The following DAPK2 variants were observed in gnomAD, a reference collection of about 807,000 sequenced individuals.
DAPK2 encodes the protein death associated protein kinase 2.
DAPK2 carries 35 observed loss-of-function variants against 44.1 expected under a neutral mutation model. The observed-to-expected ratio is 0.79, with a 90% CI of 0.61 to 1.05. The LOEUF is 1.05. Ranked by LOEUF, DAPK2 falls within the 50% of genes least tolerant of loss-of-function variation. The pLI, the probability that DAPK2 is intolerant of heterozygous loss-of-function variation, is 0.00. For missense variants in DAPK2, 453 were observed against 483.2 expected (o/e 0.94, Z 0.59); for synonymous variants, 174 against 182.6 (o/e 0.95, Z 0.38).
intron 1 of DAPK2, among the ~76,000 whole-genome samples, chr15:64,006,739 C>G (rs1031739969): frequency 1.3e-5 from 2 of 152,214 alleles, no homozygotes; most frequent in East Asian, 3.8e-4. Flanking sequence ...CCAGACAGGT[C>G]TCCTGTCAGG....
At chr15:63,928,802 A>C (rs965426190) in intron 6 of DAPK2, among the ~76,000 whole-genome samples, 1 of 152,132 alleles carries the variant, frequency 6.6e-6, no homozygotes, top group Admixed American at 6.5e-5. Context: ...AGGAGAAAGG[A>C]GGAGAGAGAC....
At chr15:64,014,811 T>A (rs1332761296) in intron 1 of DAPK2, among the ~76,000 whole-genome samples, 2 of 151,818 alleles carry the variant, frequency 1.3e-5, no homozygotes, top group Non-Finnish European at 2.9e-5. Flanking sequence ...TCCCAGCTAT[T>A]TGGGAGGCTG....
chr15:63,963,684 A>ATTACTTTTT (rs2077975309), intron 3 of DAPK2, among the ~76,000 whole-genome samples: 1 of 151,818 alleles, frequency 6.6e-6, no homozygotes, highest in Non-Finnish European at 1.5e-5. Flanking sequence ...GGTAAGTTTT[A>ATTACTTTTT]ATTTCTTGCT....
chr15:63,938,051 C>G (rs1172445729), intron 4 of DAPK2, among the ~76,000 whole-genome samples: 2 of 152,164 alleles, frequency 1.3e-5, no homozygotes, highest in African/African-American at 4.8e-5. Flanking sequence ...AATCCCCCAG[C>G]CTGCCATCTC....
At chr15:63,961,297 A>G (rs1323359788) in intron 3 of DAPK2, among the ~76,000 whole-genome samples, 2 of 152,114 alleles carry the variant, frequency 1.3e-5, no homozygotes, top group South Asian at 2.1e-4. Context: ...ACTCTATCCA[A>G]TTTGCCAGTC....
Position 63,908,491 on chromosome 15 carries a change from TC to T in DAPK2, c.*28del. The stretch of plus-strand genomic sequence containing the variant: ...AAGGGAGCCCCGCTGGGCCCAGACC[TC>T]CCTGGCGGCCACTGCAGGTCAGGCC... On this transcript the variant is annotated 3_prime_UTR_variant, in exon 11 of 11. Coordinates refer to ENST00000261891, the Ensembl canonical transcript of DAPK2. This position sits in a 1 kb window ranked among gnomAD's most constrained non-coding sequence, Gnocchi z 5.7. The T allele has an allele frequency of 6.6e-7, 1 of 1,519,142 alleles. No individual in the cohort carries two copies. 94.1% of individuals were successfully genotyped at this position (1,519,142 alleles called of 1,614,324 possible).
chr15:64,025,375 T>G (rs1035566976), intron 1 of DAPK2, among the ~76,000 whole-genome samples: 1 of 152,142 alleles, frequency 6.6e-6, no homozygotes, highest in Admixed American at 6.5e-5. Flanking sequence ...AGAGCGCCCT[T>G]CCCTTCTTCC....
chr15:63,922,231 G>T, intron 8 of DAPK2: 1 of 966,486 alleles, frequency 1.0e-6, no homozygotes, highest in South Asian at 4.8e-5. Flanking sequence ...TGAGTGCTTG[G>T]TAAGTGAAAA....
Position 63,912,068 on chromosome 15 carries a change from G to GCCCCCCCCCCGTCCCCCCCCC in DAPK2, c.948+39_948+40insGGGGGGGGGACGGGGGGGGGG. 1 of 1,312,412 alleles carries GCCCCCCCCCCGTCCCCCCCCC rather than the reference G, an allele frequency of 7.6e-7. No individual in the cohort carries two copies. The highest frequency in any genetic ancestry group is 1.1e-6 in the Non-Finnish European group (1 of 924,246). The allele number at this position is 1,312,412 out of a possible 1,614,324, so 81.3% of individuals were successfully genotyped here. A position where few individuals can be genotyped will look rare whatever the true frequency, so the allele number is the denominator to read the frequency against. ...CTGGAGAGCCAGAAACCCCGCCCTA[G>GCCCCCCCCCCGTCCCCCCCCC]CCCCCACCCTGTCCCCCGCCGCCCC... On this transcript the variant is annotated intron_variant, in intron 9 of 10. Coordinates refer to ENST00000261891, the Ensembl canonical transcript of DAPK2. The surrounding 1 kb of genome is among the most constrained non-coding windows in gnomAD (Gnocchi z 4.4).
At chr15:64,039,160 G>A (rs1357194360) in intron 1 of DAPK2, among the ~76,000 whole-genome samples, 5 of 152,274 alleles carry the variant, frequency 3.3e-5, no homozygotes, top group African/African-American at 4.8e-5. Context: ...ATGGGCATGC[G>A]TCCTCAATCT....
intron 7 of DAPK2, among the ~76,000 whole-genome samples, chr15:63,925,421 G>A (rs530362208): frequency 8.2e-4 from 125 of 152,040 alleles, no homozygotes; most frequent in African/African-American, 2.9e-3. Context: ...GGTACCCAGC[G>A]CCCTGCAATT....
intron 2 of DAPK2, among the ~76,000 whole-genome samples, chr15:63,979,586 C>T (rs1367565498): frequency 2.6e-5 from 4 of 152,176 alleles, no homozygotes; most frequent in Admixed American, 6.5e-5. Flanking sequence ...AGACTTCTGA[C>T]CAGCCTAACA....
chr15:63,909,322 C>T (rs2078722662), intron 10 of DAPK2: 1 of 150,050 alleles, frequency 6.7e-6, no homozygotes, highest in Admixed American at 6.6e-5. Context: ...ACAAAAGGAC[C>T]TATCATTACT....
At chr15:63,926,186 A>G in intron 6 of DAPK2, 93 bp from the exon 8 acceptor site, 1 of 1,436,328 alleles carries the variant, frequency 7.0e-7, no homozygotes, top group South Asian at 1.4e-5. Flanking sequence ...TGACTGCTGC[A>G]GGGAGCTGGA....
intron 1 of DAPK2, among the ~76,000 whole-genome samples, chr15:64,001,601 T>C (rs1259263872): frequency 3.3e-5 from 5 of 152,026 alleles, no homozygotes; most frequent in Non-Finnish European, 7.4e-5. Context: ...TGTGCCCCCC[T>C]CCCCACTCTA....
At chr15:63,909,346 T>TG (rs1346952028) in intron 10 of DAPK2, 3 of 152,162 alleles carry the variant, frequency 2.0e-5, no homozygotes, top group African/African-American at 7.2e-5. Flanking sequence ...TTTTTTTTTT[T>TG]TTTTAAGGAA....
intron 3 of DAPK2, among the ~76,000 whole-genome samples, chr15:63,960,155 G>A (rs567493076): frequency 6.6e-6 from 1 of 152,280 alleles, no homozygotes; most frequent in East Asian, 1.9e-4. Flanking sequence ...GGTGTTTATA[G>A]TATTCTCTGA....
chr15:64,027,445 C>T (rs2079881564), intron 1 of DAPK2, among the ~76,000 whole-genome samples: 1 of 151,714 alleles, frequency 6.6e-6, no homozygotes, highest in Admixed American at 6.6e-5. Flanking sequence ...GGCACATAGT[C>T]CCAGCTCAAG....
At chr15:63,962,301 C>G (rs932074250) in intron 3 of DAPK2, among the ~76,000 whole-genome samples, 1 of 152,190 alleles carries the variant, frequency 6.6e-6, no homozygotes, top group Non-Finnish European at 1.5e-5. Context: ...CCTCCTTTAG[C>G]TCAGAGAAGT....
Sources: allele counts gnomAD v4.1 joint callset (sites outside exome capture counted in the v4.1 genomes callset), GRCh38; gene constraint gnomAD v4.1.1; non-coding constraint Gnocchi (gnomAD v3.1); transcripts MANE v1.5; gene names NCBI Gene and HGNC (gene_info 2026-07-23, HGNC 2026-07-21).